The following GPM6A variants were observed in gnomAD, a reference collection of about 807,000 sequenced individuals.
The protein encoded by GPM6A is neuronal membrane glycoprotein M6-a.
Under a neutral mutation model 32.1 loss-of-function variants are expected in GPM6A, and 7 were observed. The ratio of observed to expected loss-of-function variants is 0.22; its 90% CI spans 0.12 to 0.41. The LOEUF (loss-of-function observed/expected upper bound fraction) is 0.41. Ranked by LOEUF, GPM6A falls within the 10% of genes least tolerant of loss-of-function variation. The probability of loss-of-function intolerance (pLI) is 1.00; values close to 1 mark genes in which losing one functional copy is unlikely to be tolerated. For missense variants in GPM6A, 235 were observed against 347.2 expected (o/e 0.68, Z 2.57); for synonymous variants, 130 against 123.4 (o/e 1.05, Z -0.35).
intron 1 of GPM6A, among the ~76,000 whole-genome samples, chr4:175,955,423 CT>C (rs1354403517): frequency 1.3e-5 from 2 of 152,164 alleles, no homozygotes; most frequent in Non-Finnish European, 2.9e-5. Context: ...AAGTTTCTAG[CT>C]TAAATACTCA....
At chr4:175,986,095 G>A (rs1226710504) in intron 1 of GPM6A, among the ~76,000 whole-genome samples, 2 of 152,140 alleles carry the variant, frequency 1.3e-5, no homozygotes, top group African/African-American at 4.8e-5. Flanking sequence ...ATGAGCCACT[G>A]CACCTGGCCT....
chr4:175,853,689 A>G (rs1736331948), intron 1 of GPM6A, among the ~76,000 whole-genome samples: 1 of 152,110 alleles, frequency 6.6e-6, no homozygotes, highest in Non-Finnish European at 1.5e-5. Flanking sequence ...GAAAATACCC[A>G]ACAAATAAGA....
At chr4:175,765,502 C>T (rs1267016062) in intron 1 of GPM6A, among the ~76,000 whole-genome samples, 1 of 152,170 alleles carries the variant, frequency 6.6e-6, no homozygotes. Flanking sequence ...TCCATCGCCT[C>T]AAACATTTCT....
At chr4:175,899,696 C>A (rs1469160330) in intron 1 of GPM6A, among the ~76,000 whole-genome samples, 1 of 152,070 alleles carries the variant, frequency 6.6e-6, no homozygotes, top group African/African-American at 2.4e-5. Flanking sequence ...ACACCCCTAT[C>A]TCTCGCCATA....
intron 1 of GPM6A, among the ~76,000 whole-genome samples, chr4:175,987,125 T>C (rs759219227): frequency 2.6e-5 from 4 of 152,226 alleles, no homozygotes; most frequent in Non-Finnish European, 5.9e-5. Context: ...TCCTACGGTT[T>C]TATTATTATA....
At chr4:175,649,055 A>G (rs1741632999) in intron 4 of GPM6A, among the ~76,000 whole-genome samples, 1 of 152,210 alleles carries the variant, frequency 6.6e-6, no homozygotes, top group South Asian at 2.1e-4. Context: ...ATTGTATTGG[A>G]AAAGCTGTCG....
chr4:175,764,724 G>A (rs1323198699), intron 1 of GPM6A, among the ~76,000 whole-genome samples: 2 of 151,692 alleles, frequency 1.3e-5, no homozygotes, highest in Admixed American at 6.6e-5. Flanking sequence ...ATATTGATTG[G>A]GATATCTGGT....
At chr4:175,831,480 A>G (rs1735608506) in intron 1 of GPM6A, among the ~76,000 whole-genome samples, 1 of 152,090 alleles carries the variant, frequency 6.6e-6, no homozygotes, top group Non-Finnish European at 1.5e-5. Context: ...TCAAACACAA[A>G]TTTCCTAGCA....
intron 1 of GPM6A, among the ~76,000 whole-genome samples, chr4:175,826,445 A>C (rs940100062): frequency 1.3e-5 from 2 of 152,196 alleles, no homozygotes; most frequent in Admixed American, 6.5e-5. Flanking sequence ...TAAATGTAAT[A>C]CTATTATGTG....
At position 175,751,911 on chromosome 4, in the gene GPM6A, A is replaced by T. The variant is rs184177168; in HGVS notation, c.38-50144T>A. Among the ~76,000 whole-genome samples, 8 of 152,330 alleles carry T rather than the reference A, an allele frequency of 5.3e-5. No individual in the cohort carries two copies. In the East Asian group the frequency reaches 1.5e-3, roughly 29 times the overall value. ...GTTAAAGTAAATGTTATCCTTACAAATAATGGCTGACAGAATTTGCTCTAT... is the reference window on the plus strand; with the variant it reads ...GTTAAAGTAAATGTTATCCTTACAATTAATGGCTGACAGAATTTGCTCTAT... On this transcript the variant is annotated intron_variant, in intron 1 of 6. Transcript: ENST00000393658.
chr4:175,688,766 A>G (rs1473965814), intron 2 of GPM6A, among the ~76,000 whole-genome samples: 1 of 152,222 alleles, frequency 6.6e-6, no homozygotes, highest in East Asian at 1.9e-4. Context: ...TGCCCCACAA[A>G]TACGTGTAAT....
intron 1 of GPM6A, among the ~76,000 whole-genome samples, chr4:175,886,776 A>T (rs1478126979): frequency 2.0e-5 from 3 of 151,486 alleles, no homozygotes; most frequent in Non-Finnish European, 4.4e-5. Flanking sequence ...CCAATAAGAC[A>T]ACAGAAATAA....
chr4:175,721,183 G>C (rs1409697629), intron 1 of GPM6A, among the ~76,000 whole-genome samples: 1 of 102,222 alleles, frequency 9.8e-6, no homozygotes, highest in Non-Finnish European at 2.5e-5. Flanking sequence ...TTTTTAAAAA[G>C]GCAAGATCTA....
At chr4:175,854,485 T>C (rs1355501111) in intron 1 of GPM6A, among the ~76,000 whole-genome samples, 8 of 152,166 alleles carry the variant, frequency 5.3e-5, no homozygotes. Context: ...CCTTTATACC[T>C]GAAACAACAA....
At chr4:175,904,179 TTTAA>T (rs1351950644) in intron 1 of GPM6A, among the ~76,000 whole-genome samples, 1 of 151,906 alleles carries the variant, frequency 6.6e-6, no homozygotes, top group Non-Finnish European at 1.5e-5. Context: ...ATAAAAAAAG[TTTAA>T]TTATCCATGA....
At chr4:175,637,164 A>T in intron 6 of GPM6A, among the ~76,000 whole-genome samples, 1 of 109,042 alleles carries the variant, frequency 9.2e-6, no homozygotes, top group African/African-American at 3.8e-5. Context: ...TGTCACATAT[A>T]ATATATCATA....
intron 1 of GPM6A, chr4:175,971,882 G>C (rs1346768696): frequency 6.6e-6 from 1 of 152,176 alleles, no homozygotes; most frequent in Non-Finnish European, 1.5e-5. Flanking sequence ...CACACCTTGT[G>C]AAAGTCAGTG....
At chr4:175,720,037 C>T (rs577425940) in intron 1 of GPM6A, among the ~76,000 whole-genome samples, 9 of 152,142 alleles carry the variant, frequency 5.9e-5, no homozygotes, top group Non-Finnish European at 8.8e-5. Context: ...TAACAAAATA[C>T]GGATGCACTG....
At chr4:175,641,914 T>G (rs1472723949) in intron 4 of GPM6A, 1 of 152,244 alleles carries the variant, frequency 6.6e-6, no homozygotes, top group South Asian at 2.1e-4. Context: ...GTATCAGACT[T>G]CTGACCCCAA....
Sources: allele counts gnomAD v4.1 joint callset (sites outside exome capture counted in the v4.1 genomes callset), GRCh38; gene constraint gnomAD v4.1.1; transcripts MANE v1.5; gene names NCBI Gene and HGNC (gene_info 2026-07-23, HGNC 2026-07-21).